The following CRTAC1 variants were observed in gnomAD, a reference collection of about 807,000 sequenced individuals.
CRTAC1 encodes cartilage acidic protein 1, also known as acidic secreted protein in cartilage.
In CRTAC1, 37 loss-of-function variants were observed where a neutral mutation model predicts 67.8. The ratio of observed to expected loss-of-function variants is 0.55; its 90% CI spans 0.42 to 0.72. The LOEUF (loss-of-function observed/expected upper bound fraction) is 0.72, where lower values mean the gene tolerates loss of function less well. Ranked by LOEUF, CRTAC1 falls within the 30% of genes least tolerant of loss-of-function variation. The probability of loss-of-function intolerance (pLI) is 0.00; values close to 1 mark genes in which losing one functional copy is unlikely to be tolerated. For synonymous variants in CRTAC1, 348 were observed against 371.0 expected (o/e 0.94, Z 0.71); for missense variants, 780 against 931.6 (o/e 0.84, Z 2.12).
At chr10:97,903,354 C>T in intron 7 of CRTAC1, among the ~76,000 whole-genome samples, 1 of 150,216 alleles carries the variant, frequency 6.7e-6, no homozygotes, top group South Asian at 2.2e-4. Context: ...AGAGGGAGGG[C>T]AGCAAGATCA....
intron 1 of CRTAC1, among the ~76,000 whole-genome samples, chr10:98,012,884 A>G (rs567317932): frequency 3.9e-5 from 6 of 152,270 alleles, no homozygotes; most frequent in African/African-American, 9.6e-5. Context: ...AATTACAGAG[A>G]TGTCTGAATG....
chr10:97,916,960 A>C (rs2050767467), intron 5 of CRTAC1, among the ~76,000 whole-genome samples: 1 of 152,178 alleles, frequency 6.6e-6, no homozygotes, highest in South Asian at 2.1e-4. Context: ...GTGCCTTCAA[A>C]AAAAAGTGCT....
chr10:97,990,271 A>G (rs1842417832), intron 2 of CRTAC1, among the ~76,000 whole-genome samples: 1 of 152,202 alleles, frequency 6.6e-6, no homozygotes, highest in Non-Finnish European at 1.5e-5. Context: ...GCTTGTTACA[A>G]TATAGAAAAG....
intron 2 of CRTAC1, among the ~76,000 whole-genome samples, chr10:97,940,287 G>A (rs541018155): frequency 1.3e-5 from 2 of 152,328 alleles, no homozygotes; most frequent in African/African-American, 2.4e-5. Context: ...CAGTCCCCAC[G>A]CTGACAAGCC....
In CRTAC1 at chr10:98,030,397, C is replaced by T; in HGVS notation, c.24+52G>A. The T allele has an allele frequency of 8.6e-7, 1 of 1,165,856 alleles. No homozygotes were observed. Among genetic ancestry groups the T allele is most frequent in the Non-Finnish European group, 1.1e-6 (1 of 913,132 alleles). The allele number at this position is 1,165,856 out of a possible 1,614,324, so 72.2% of individuals were successfully genotyped here. Reference sequence around the variant, plus strand: ...GGCGGATCCGGGGGGGCGCGCAGAGCTGGAGAAACTTTCTCCGCCTTAGGG... The same window carrying T: ...GGCGGATCCGGGGGGGCGCGCAGAGTTGGAGAAACTTTCTCCGCCTTAGGG... On this transcript the variant is annotated intron_variant, in intron 1 of 14. Transcript: ENST00000370597. The surrounding 1 kb of genome is among the most constrained non-coding windows in gnomAD (Gnocchi z 4.2).
At chr10:97,997,788 T>C (rs1350027488) in intron 2 of CRTAC1, among the ~76,000 whole-genome samples, 1 of 152,154 alleles carries the variant, frequency 6.6e-6, no homozygotes. Context: ...GCAGTTTAGA[T>C]GCAATTGAAG....
At chr10:98,014,816 T>C (rs1842966467) in intron 1 of CRTAC1, among the ~76,000 whole-genome samples, 1 of 152,232 alleles carries the variant, frequency 6.6e-6, no homozygotes, top group Non-Finnish European at 1.5e-5. Flanking sequence ...GGTGAGGATG[T>C]AGAGAAATTG....
intron 2 of CRTAC1, among the ~76,000 whole-genome samples, chr10:98,000,178 G>C (rs1175661178): frequency 6.6e-6 from 1 of 152,184 alleles, no homozygotes; most frequent in Non-Finnish European, 1.5e-5. Context: ...GAATGGCAAG[G>C]CTGAAAGAGC....
chr10:98,018,040 T>C (rs1222596797), intron 1 of CRTAC1, among the ~76,000 whole-genome samples: 1 of 150,420 alleles, frequency 6.6e-6, no homozygotes, highest in Non-Finnish European at 1.5e-5. Flanking sequence ...CTACTAAAAA[T>C]ACAACAAAAT....
At chr10:97,879,766 C>T (rs775414439) in intron 14 of CRTAC1, 47 of 1,486,872 alleles carry the variant, frequency 3.2e-5, no homozygotes, top group East Asian at 1.4e-4. Flanking sequence ...ATTCTAGAGG[C>T]GGCTGAAGAA....
intron 7 of CRTAC1, among the ~76,000 whole-genome samples, chr10:97,902,925 A>G (rs572860499): frequency 6.6e-6 from 1 of 152,152 alleles, no homozygotes; most frequent in South Asian, 2.1e-4. Context: ...CTTAAGAGCC[A>G]GGGAGCAAAA....
intron 14 of CRTAC1, chr10:97,871,518 T>G (rs2050093370): frequency 6.6e-6 from 1 of 152,252 alleles, no homozygotes; most frequent in Non-Finnish European, 1.5e-5. Context: ...TGGCATAGAA[T>G]AAACAGATAT....
At chr10:98,008,926 G>A (rs1842852521) in intron 2 of CRTAC1, among the ~76,000 whole-genome samples, 1 of 152,274 alleles carries the variant, frequency 6.6e-6, no homozygotes, top group Middle Eastern at 3.4e-3. Context: ...TCTCAGAGAT[G>A]CATCAAAGTC....
intron 2 of CRTAC1, among the ~76,000 whole-genome samples, chr10:97,956,382 C>T (rs1222287174): frequency 2.0e-5 from 3 of 152,166 alleles, no homozygotes; most frequent in African/African-American, 7.2e-5. Context: ...TGACAGTGCA[C>T]GGATCAGACT....
rs777019328 is a variant in CRTAC1 at position 97,880,355 on chromosome 10, A to G, written c.1713T>C (p.Pro571=). The stretch of plus-strand genomic sequence containing the variant: ...TGTTGACACATACGGGCTTGTCTCG[A>G]GGGCACACGAATGGGAACTGGATGC... ...NECIQFPFVC[P]RDKPVCVNTY... is the part of the protein sequence containing the mutation. The change falls in exon 14 of 15, where the codon CCT becomes CCC. Residue 571 remains proline, a synonymous_variant. Coordinates refer to ENST00000370597, the MANE Select transcript of CRTAC1 (RefSeq NM_018058.7). The G allele has an allele frequency of 6.2e-7, 1 of 1,614,086 alleles. No individual in the cohort carries two copies. The highest frequency in any genetic ancestry group is 1.7e-5 in the Admixed American group (1 of 60,024).
chr10:97,900,226 A>C (rs531105156), intron 8 of CRTAC1, among the ~76,000 whole-genome samples: 121 of 152,258 alleles, frequency 7.9e-4, no homozygotes, highest in African/African-American at 2.9e-3. Context: ...CCATTTCTGA[A>C]ACCCTTTTCC....
intron 1 of CRTAC1, among the ~76,000 whole-genome samples, chr10:98,021,625 G>T (rs988775719): frequency 5.3e-5 from 8 of 152,190 alleles, no homozygotes; most frequent in African/African-American, 1.9e-4. Context: ...TGAGCATAAT[G>T]CCTGGCATAG....
chr10:97,989,189 C>G (rs1418991198), intron 2 of CRTAC1, among the ~76,000 whole-genome samples: 1 of 152,164 alleles, frequency 6.6e-6, no homozygotes, highest in Non-Finnish European at 1.5e-5. Context: ...CTTTTGCTTG[C>G]AGACGGCAGA....
intron 2 of CRTAC1, among the ~76,000 whole-genome samples, chr10:97,952,259 G>C (rs1027817629): frequency 6.6e-6 from 1 of 152,030 alleles, no homozygotes; most frequent in Non-Finnish European, 1.5e-5. Context: ...GGCTGAGGCA[G>C]GAGAATGGCG....
Sources: gnomAD v4.1 joint callset for allele counts (sites outside exome capture counted in the v4.1 genomes callset) on GRCh38, gnomAD v4.1.1 for gene constraint, Gnocchi (gnomAD v3.1) non-coding constraint, MANE v1.5 for transcripts, NCBI Gene and HGNC (gene_info 2026-07-23, HGNC 2026-07-21) for gene names.